AGBL4: variants seen among roughly 807,000 people sequenced by gnomAD.
AGBL4 encodes the protein AGBL carboxypeptidase 4.
AGBL4 carries 58 observed loss-of-function variants against 66.4 expected under a neutral mutation model. The observed-to-expected ratio is 0.87, with a 90% confidence interval of 0.71 to 1.09. The LOEUF is 1.09. AGBL4 is among the 50% of genes least tolerant of loss of function. The pLI, the probability that AGBL4 is intolerant of heterozygous loss-of-function variation, is 0.00. For missense variants in AGBL4, 579 were observed against 631.0 expected, an observed-to-expected ratio of 0.92 and a Z score of 0.88; for synonymous variants, 234 against 222.9, an observed-to-expected ratio of 1.05 and a Z score of -0.44.
At chr1:49,078,018 AC>A (rs1644742538) in intron 4 of AGBL4, among the ~76,000 whole-genome samples, 1 of 152,188 alleles carries the variant, frequency 6.6e-6, no homozygotes, top group Admixed American at 6.5e-5. Flanking sequence ...AAGAGGTTAA[AC>A]AACTTCCCTA....
At chr1:49,477,758 C>T (rs1302691463) in intron 3 of AGBL4, among the ~76,000 whole-genome samples, 1 of 151,762 alleles carries the variant, frequency 6.6e-6, no homozygotes. Flanking sequence ...GATATGTGAC[C>T]TTTCAGACAG....
chr1:49,844,916 A>G, intron 2 of AGBL4: 1 of 1,369,952 alleles, frequency 7.3e-7, no homozygotes, highest in Non-Finnish European at 1.0e-6. Flanking sequence ...GAGCAGTGAC[A>G]GAGGAATGGG....
intron 1 of AGBL4, among the ~76,000 whole-genome samples, chr1:49,975,523 C>T (rs1233105245): frequency 1.3e-5 from 2 of 152,102 alleles, no homozygotes; most frequent in Non-Finnish European, 2.9e-5. Context: ...AAAGGTTCTA[C>T]CTATCTAAAA....
chr1:48,602,989 A>T (rs758901606), intron 9 of AGBL4, among the ~76,000 whole-genome samples: 1 of 152,206 alleles, frequency 6.6e-6, no homozygotes, highest in Non-Finnish European at 1.5e-5. Context: ...TGGCTGAAGG[A>T]ACCATTCAAT....
At chr1:49,224,912 T>C (rs1649790687) in intron 4 of AGBL4, among the ~76,000 whole-genome samples, 1 of 152,210 alleles carries the variant, frequency 6.6e-6, no homozygotes, top group Admixed American at 6.5e-5. Flanking sequence ...ATCCAGCATC[T>C]GAAGAGTGTA....
At chr1:49,971,071 A>C (rs1470918000) in intron 1 of AGBL4, among the ~76,000 whole-genome samples, 2 of 152,210 alleles carry the variant, frequency 1.3e-5, no homozygotes, top group Non-Finnish European at 2.9e-5. Flanking sequence ...TATAATTGAT[A>C]AAATTTTTGA....
intron 4 of AGBL4, among the ~76,000 whole-genome samples, chr1:49,185,171 A>G (rs150768688): frequency 3.4e-3 from 520 of 152,308 alleles, no homozygotes; most frequent in African/African-American, 0.012. Context: ...ATTGTGTTCC[A>G]TAGGCTCTGT....
intron 3 of AGBL4, among the ~76,000 whole-genome samples, chr1:49,611,610 C>T (rs1207830184): frequency 6.6e-6 from 1 of 152,050 alleles, no homozygotes; most frequent in South Asian, 2.1e-4. Flanking sequence ...ATCTCCTGAC[C>T]TCGTGATCCG....
chr1:49,473,138 A>G (rs1232412454), intron 3 of AGBL4, among the ~76,000 whole-genome samples: 2 of 152,026 alleles, frequency 1.3e-5, no homozygotes, highest in Non-Finnish European at 2.9e-5. Flanking sequence ...TTTTTTGGTA[A>G]AATGATTTAT....
At chr1:48,691,029 G>A (rs528194895) in intron 6 of AGBL4, among the ~76,000 whole-genome samples, 3 of 151,882 alleles carry the variant, frequency 2.0e-5, no homozygotes, top group East Asian at 3.9e-4. Context: ...GCCAGGTGTG[G>A]TGGTGCATGC....
chr1:49,379,853 G>A (rs921118493), intron 3 of AGBL4, among the ~76,000 whole-genome samples: 1 of 151,970 alleles, frequency 6.6e-6, no homozygotes, highest in African/African-American at 2.4e-5. Context: ...TTTTGGTTGT[G>A]TCTCTGCCCG....
At chr1:49,866,977 G>T (rs1329765352) in intron 1 of AGBL4, among the ~76,000 whole-genome samples, 2 of 151,938 alleles carry the variant, frequency 1.3e-5, no homozygotes, top group African/African-American at 4.8e-5. Flanking sequence ...CGTCCTTTCT[G>T]TTTACGTGAG....
At chr1:49,021,294 G>C (rs963376022) in intron 5 of AGBL4, among the ~76,000 whole-genome samples, 1 of 152,168 alleles carries the variant, frequency 6.6e-6, no homozygotes, top group African/African-American at 2.4e-5. Context: ...TTATAAAGAG[G>C]AAATGATCAC....
intron 7 of AGBL4, 89 bp downstream of exon 7, chr1:48,663,063 G>T: frequency 8.5e-7 from 1 of 1,179,656 alleles, no homozygotes; most frequent in African/African-American, 1.5e-5. Context: ...TAAGATAATG[G>T]CTCTGCATGT....
intron 6 of AGBL4, chr1:48,817,753 C>T (rs1268457524): frequency 2.0e-5 from 7 of 347,536 alleles, no homozygotes; most frequent in Non-Finnish European, 3.6e-5. Context: ...GACTGGAAGC[C>T]CAGCCTGGTG....
chr1:49,479,869 G>A (rs1646920797), intron 3 of AGBL4, among the ~76,000 whole-genome samples: 1 of 151,338 alleles, frequency 6.6e-6, no homozygotes, highest in East Asian at 1.9e-4. Context: ...CACCACGCCC[G>A]GCTAATTTTT....
chr1:49,743,614 T>C (rs1431458304), intron 2 of AGBL4, among the ~76,000 whole-genome samples: 3 of 152,152 alleles, frequency 2.0e-5, no homozygotes, highest in Non-Finnish European at 4.4e-5. Context: ...GTATGTTTAT[T>C]GTGGCACTAT....
At chr1:48,852,919 C>A (rs892873409) in intron 6 of AGBL4, among the ~76,000 whole-genome samples, 3 of 152,172 alleles carry the variant, frequency 2.0e-5, no homozygotes, top group Admixed American at 2.0e-4. Flanking sequence ...ATCATTTTGG[C>A]GCTGGCCTCC....
intron 4 of AGBL4, among the ~76,000 whole-genome samples, chr1:49,238,667 A>G (rs555425433): frequency 3.9e-5 from 6 of 152,328 alleles, no homozygotes; most frequent in Admixed American, 3.9e-4. Flanking sequence ...GAAAGTAGAA[A>G]TGTGGATGCA....
Sources: gnomAD v4.1 joint callset for allele counts (sites outside exome capture counted in the v4.1 genomes callset) on GRCh38, gnomAD v4.1.1 for gene constraint, MANE v1.5 for transcripts, NCBI Gene and HGNC (gene_info 2026-07-23, HGNC 2026-07-21) for gene names.